RBFOX1: variants seen among roughly 807,000 people sequenced by gnomAD.
The protein encoded by RBFOX1 is RNA binding protein fox-1 homolog 1.
In RBFOX1, 8 loss-of-function variants were observed where a neutral mutation model predicts 57.7. The observed-to-expected ratio is 0.14, with a 90% CI of 0.08 to 0.25. The LOEUF (loss-of-function observed/expected upper bound fraction) is 0.25, where lower values mean the gene tolerates loss of function less well. Ranked by LOEUF, RBFOX1 falls within the 10% of genes least tolerant of loss-of-function variation. The probability of loss-of-function intolerance (pLI) is 1.00; values close to 1 mark genes in which losing one functional copy is unlikely to be tolerated. For synonymous variants in RBFOX1, 326 were observed against 222.4 expected, an observed-to-expected ratio of 1.47 and a Z score of -4.15; for missense variants, 611 against 548.5, an observed-to-expected ratio of 1.11 and a Z score of -1.14.
intron 4 of RBFOX1, among the ~76,000 whole-genome samples, chr16:7,159,739 C>G (rs916530667): frequency 1.3e-5 from 2 of 152,104 alleles, no homozygotes; most frequent in Non-Finnish European, 2.9e-5. Context: ...CTGACAAGAC[C>G]CAGAAATTTC....
At chr16:5,933,132 T>G (rs2059100080) in intron 4 of RBFOX1, among the ~76,000 whole-genome samples, 3 of 152,198 alleles carry the variant, frequency 2.0e-5, no homozygotes, top group Admixed American at 1.3e-4. Context: ...AACTTTTCAA[T>G]TGCTTTCAAA....
intron 2 of RBFOX1, among the ~76,000 whole-genome samples, chr16:6,590,889 G>T (rs796337897): frequency 2.0e-5 from 3 of 152,250 alleles, no homozygotes; most frequent in African/African-American, 7.2e-5. Context: ...CGTGGCAAAA[G>T]CAGACCATGC....
chr16:6,055,497 GCAGGAGAATGGCATGAACC>G (rs2095603632), intron 1 of RBFOX1, among the ~76,000 whole-genome samples: 1 of 149,884 alleles, frequency 6.7e-6, no homozygotes, highest in Admixed American at 6.8e-5. Flanking sequence ...GGAGGCTGAG[GCAGGAGAATGGCATGAACC>G]CAGGAGGCAT....
chr16:6,906,464 A>G lies in RBFOX1; in HGVS notation c.-15-145593A>G, dbSNP rs1234141489. ...CTGTGGAAATGCGACTTTATTTTGA[A>G]ATAATTTGAAATAAGAGTGTATGCA... On this transcript the variant is annotated intron_variant, in intron 3 of 15. Transcript: ENST00000550418. Among the ~76,000 whole-genome samples, 4 of 152,318 alleles carry G rather than the reference A, an allele frequency of 2.6e-5. No homozygotes were observed. In the East Asian group the frequency reaches 7.7e-4, roughly 29 times the overall value.
intron 5 of RBFOX1, among the ~76,000 whole-genome samples, chr16:7,553,062 T>C (rs1327295854): frequency 6.6e-6 from 1 of 152,140 alleles, no homozygotes; most frequent in Non-Finnish European, 1.5e-5. Context: ...AGGTATGTGC[T>C]CCTTCCTTCT....
At chr16:7,706,569 C>A (rs2082514396) in intron 14 of RBFOX1, among the ~76,000 whole-genome samples, 1 of 152,144 alleles carries the variant, frequency 6.6e-6, no homozygotes, top group Non-Finnish European at 1.5e-5. Context: ...AAAACCATTT[C>A]CCCAATTTTT....
chr16:5,653,227 G>A (rs2049303736), intron 3 of RBFOX1, among the ~76,000 whole-genome samples: 1 of 150,454 alleles, frequency 6.6e-6, no homozygotes, highest in Non-Finnish European at 1.5e-5. Context: ...GGGTTTCTGT[G>A]AGGAAGGTGG....
intron 2 of RBFOX1, among the ~76,000 whole-genome samples, chr16:6,628,525 T>A (rs182137647): frequency 3.3e-5 from 5 of 152,226 alleles, no homozygotes; most frequent in African/African-American, 9.6e-5. Context: ...TTATCTCTTA[T>A]ATATCCATCA....
At chr16:5,377,738 C>T (rs1354910014) in intron 1 of RBFOX1, among the ~76,000 whole-genome samples, 1 of 151,418 alleles carries the variant, frequency 6.6e-6, no homozygotes, top group Non-Finnish European at 1.5e-5. Flanking sequence ...TAAGACAGAA[C>T]GTCTGTCTCC....
At chr16:5,856,096 C>T (rs1004268398) in intron 3 of RBFOX1, among the ~76,000 whole-genome samples, 1 of 133,190 alleles carries the variant, frequency 7.5e-6, no homozygotes, top group South Asian at 2.4e-4. Flanking sequence ...TTGTATCCTG[C>T]AAATTTACTG....
intron 1 of RBFOX1, among the ~76,000 whole-genome samples, chr16:5,310,852 A>G (rs2064068421): frequency 6.6e-6 from 1 of 152,216 alleles, no homozygotes; most frequent in East Asian, 1.9e-4. Context: ...AAATTTTTAA[A>G]AATTTCAATA....
intron 4 of RBFOX1, among the ~76,000 whole-genome samples, chr16:7,401,689 T>G (rs1377190072): frequency 6.6e-6 from 1 of 152,306 alleles, no homozygotes; most frequent in East Asian, 1.9e-4. Context: ...TCTTTGTTGC[T>G]TGCCTCCAGA....
At chr16:6,840,841 C>T (rs112285335) in intron 3 of RBFOX1, among the ~76,000 whole-genome samples, 1,900 of 145,628 alleles carry the variant, frequency 0.013, 53 homozygotes, top group African/African-American at 0.046. Context: ...GAGCTGAGAT[C>T]GTCCCATTGT....
chr16:5,633,014 C>T (rs186552630), intron 3 of RBFOX1, among the ~76,000 whole-genome samples: 113 of 148,316 alleles, frequency 7.6e-4, no homozygotes, highest in Middle Eastern at 3.7e-3. Flanking sequence ...TCTCAGCTCA[C>T]TGCATCCTCT....
At position 5,971,980 on chromosome 16, in the gene RBFOX1, G is replaced by T. The variant is rs895728393; in HGVS notation, c.351+104645G>T. The stretch of plus-strand genomic sequence containing the variant: ...CCCTGCATCAGAGAGAATTCCTCTT[G>T]CCTGCCTGACTTCAAACTGGGACGT... On this transcript the variant is annotated intron_variant, in intron 4 of 19. Coordinates refer to the RBFOX1 transcript ENST00000641259. Among the ~76,000 whole-genome samples the T allele has an allele frequency of 2.0e-5, 3 of 152,184 alleles. No individual in the cohort carries two copies. In the South Asian group the frequency reaches 6.2e-4, roughly 32 times the overall value.
chr16:6,864,775 C>G (rs1394221055), intron 3 of RBFOX1, among the ~76,000 whole-genome samples: 2 of 151,782 alleles, frequency 1.3e-5, no homozygotes, highest in African/African-American at 2.4e-5. Flanking sequence ...TCTTTTTCCT[C>G]TAATGTGGGT....
Position 5,419,396 on chromosome 16 carries a change from C to A in RBFOX1, c.220-47820C>A, listed in dbSNP as rs1332731964. Among the ~76,000 whole-genome samples, 3 of 152,086 alleles carry A rather than the reference C, an allele frequency of 2.0e-5. No homozygotes were observed. In the East Asian group the frequency reaches 5.8e-4, roughly 29 times the overall value. On this transcript the variant is annotated intron_variant, in intron 1 of 2. Transcript: ENST00000585867. ...GTGGGCTGGGGGAGGCTAAAGAAATCTAGTCTTTTCACATTCTTCTGCCAG... is the reference window on the plus strand; with the variant it reads ...GTGGGCTGGGGGAGGCTAAAGAAATATAGTCTTTTCACATTCTTCTGCCAG...
rs973716506 is a variant in RBFOX1, at chr16:5,889,965, G to A, written c.351+22630G>A. 1.2e-4 allele frequency among the ~76,000 whole-genome samples: 18 copies of A among 152,358 alleles called. 1 individual carries two copies. The highest frequency in any genetic ancestry group is 3.9e-4 in the East Asian group (2 of 5,182). On this transcript the variant is annotated intron_variant, in intron 4 of 19. Transcript: ENST00000641259. ...ACAGCCTCTGTGATGATCACAATGCGTGTGAGATGTAGCTCCAGCTTCTCC... is the reference window on the plus strand; with the variant it reads ...ACAGCCTCTGTGATGATCACAATGCATGTGAGATGTAGCTCCAGCTTCTCC...
At chr16:7,363,418 G>C (rs373818528) in intron 4 of RBFOX1, among the ~76,000 whole-genome samples, 1 of 152,094 alleles carries the variant, frequency 6.6e-6, no homozygotes, top group African/African-American at 2.4e-5. Context: ...CAATGAAATG[G>C]CTAGCACAGA....
Sources: gnomAD v4.1 joint callset for allele counts (sites outside exome capture counted in the v4.1 genomes callset) on GRCh38, gnomAD v4.1.1 for gene constraint, MANE v1.5 for transcripts, NCBI Gene and HGNC (gene_info 2026-07-23, HGNC 2026-07-21) for gene names.